PRR33: variants seen among roughly 807,000 people sequenced by gnomAD.
The protein encoded by PRR33 is proline rich 33.
PRR33 carries 1 observed loss-of-function variant against 0.5 expected under a neutral mutation model. The ratio of observed to expected loss-of-function variants is 2.18; its 90% CI spans 0.77 to 10.34. The LOEUF (loss-of-function observed/expected upper bound fraction) is 10.34, where lower values mean the gene tolerates loss of function less well. Among genes scored for constraint, PRR33 ranks in the 30% most tolerant of loss-of-function variants. The pLI is 0.13. For missense variants in PRR33, 552 were observed against 251.8 expected, an observed-to-expected ratio of 2.19 and a Z score of -8.07; for synonymous variants, 226 against 110.0, an observed-to-expected ratio of 2.06 and a Z score of -6.60.
upstream of PRR33, among the ~76,000 whole-genome samples, chr11:1,894,316 C>G (rs1028017083): frequency 6.6e-6 from 1 of 152,014 alleles, no homozygotes; most frequent in African/African-American, 2.4e-5. Flanking sequence ...TCCTTGCAGC[C>G]TCAACCTCCT....
chr11:1,889,868 AC>A, the PRR33 span: 1 of 631,282 alleles, frequency 1.6e-6, no homozygotes. Context: ...CAGGCAAGGG[AC>A]TGGCAGCCTG....
At chr11:1,893,600 G>C (rs1239457018), upstream of PRR33, among the ~76,000 whole-genome samples, 3 of 144,458 alleles carry the variant, frequency 2.1e-5, no homozygotes, top group African/African-American at 7.8e-5. Flanking sequence ...GGAGGGATGA[G>C]TGAGTGAATG....
chr11:1,901,040 G>T, the PRR33 span, among the ~76,000 whole-genome samples: 1 of 152,170 alleles, frequency 6.6e-6, no homozygotes, highest in Non-Finnish European at 1.5e-5. Context: ...GGCCAGGCAC[G>T]GTGGCTTACG....
upstream of PRR33, among the ~76,000 whole-genome samples, chr11:1,895,014 T>A (rs1372235745): frequency 1.3e-5 from 2 of 152,266 alleles, no homozygotes; most frequent in African/African-American, 4.8e-5. Flanking sequence ...GCCGTGCAGC[T>A]TTGCACGTGC....
chr11:1,905,338 G>C, the PRR33 span, among the ~76,000 whole-genome samples: 2 of 151,334 alleles, frequency 1.3e-5, no homozygotes, highest in Non-Finnish European at 2.9e-5. Context: ...TGTTGGCCAG[G>C]CTACTCTCGA....
chr11:1,890,616 C>A, exon 1 of PRR33: 1 of 689,576 alleles, frequency 1.5e-6, no homozygotes, highest in Non-Finnish European at 2.7e-6. Flanking sequence ...GGACAGTGGT[C>A]AGGCCAGCCC....
chr11:1,905,276 C>T, the PRR33 span, among the ~76,000 whole-genome samples: 4 of 149,982 alleles, frequency 2.7e-5, no homozygotes, highest in Non-Finnish European at 5.9e-5. Context: ...TACAGGCACA[C>T]GCCACCACAC....
chr11:1,912,918 C>G, the PRR33 span, among the ~76,000 whole-genome samples: 1 of 151,904 alleles, frequency 6.6e-6, no homozygotes, highest in Admixed American at 6.6e-5. Flanking sequence ...AACACAGCAG[C>G]AATATTTAAT....
the PRR33 span, among the ~76,000 whole-genome samples, chr11:1,897,616 T>A: frequency 6.6e-6 from 1 of 152,190 alleles, no homozygotes; most frequent in Non-Finnish European, 1.5e-5. This position sits in a 1 kb window ranked among gnomAD's most constrained non-coding sequence, Gnocchi z 4.0. Context: ...GTTTAAAAAT[T>A]CCCTGCCTTT....
At chr11:1,894,929 G>T (rs1418726826), upstream of PRR33, among the ~76,000 whole-genome samples, 1 of 152,148 alleles carries the variant, frequency 6.6e-6, no homozygotes, top group African/African-American at 2.4e-5. Context: ...GGTTCATCTC[G>T]CTGACTTTGG....
exon 1 of PRR33, chr11:1,889,432 G>A (rs976065284): frequency 3.0e-6 from 2 of 666,168 alleles, no homozygotes; most frequent in Admixed American, 2.2e-5. Flanking sequence ...GTGAGGGCGG[G>A]CACCTCCTGC....
chr11:1,914,582 CTGTGTG>C, the PRR33 span, among the ~76,000 whole-genome samples: 26 of 130,290 alleles, frequency 2.0e-4, no homozygotes, highest in Middle Eastern at 5.9e-3. Flanking sequence ...GGATGTTGCT[CTGTGTG>C]TGTGTGTGTG....
chr11:1,903,429 G>A, the PRR33 span, among the ~76,000 whole-genome samples: 1 of 152,068 alleles, frequency 6.6e-6, no homozygotes, highest in Non-Finnish European at 1.5e-5. Flanking sequence ...TACAGGCATG[G>A]GCCACCTTGC....
upstream of PRR33, among the ~76,000 whole-genome samples, chr11:1,894,801 A>G (rs1387720499): frequency 1.3e-5 from 2 of 152,194 alleles, no homozygotes; most frequent in African/African-American, 4.8e-5. Flanking sequence ...TCAGAAGGAC[A>G]TACATTTCCT....
the PRR33 span, among the ~76,000 whole-genome samples, chr11:1,898,486 C>T: frequency 6.6e-6 from 1 of 152,170 alleles, no homozygotes. Flanking sequence ...CCACCCACCT[C>T]GGCCTCCCAA....
At chr11:1,916,592 T>A in the PRR33 span, among the ~76,000 whole-genome samples, 3 of 152,066 alleles carry the variant, frequency 2.0e-5, no homozygotes, top group Non-Finnish European at 4.4e-5. Flanking sequence ...CACTCAGCAC[T>A]GGGGTGCAGA....
chr11:1,889,693 G>T, exon 1 of PRR33: 1 of 638,942 alleles, frequency 1.6e-6, no homozygotes, highest in South Asian at 1.8e-5. Flanking sequence ...CCAGCCATCG[G>T]GGGCTCCTCC....
the PRR33 span, among the ~76,000 whole-genome samples, chr11:1,897,954 C>T: frequency 3.9e-5 from 6 of 152,108 alleles, no homozygotes; most frequent in East Asian, 3.8e-4. The surrounding 1 kb of genome is among the most constrained non-coding windows in gnomAD (Gnocchi z 4.0). Context: ...AGCAAACCAA[C>T]GAAAATCAAA....
the PRR33 span, among the ~76,000 whole-genome samples, chr11:1,904,304 G>T: frequency 6.6e-6 from 1 of 152,144 alleles, no homozygotes; most frequent in East Asian, 1.9e-4. Context: ...CGAGGCGGGT[G>T]GATTGCCTGA....
Sources: allele counts gnomAD v4.1 joint callset (sites outside exome capture counted in the v4.1 genomes callset), GRCh38; gene constraint gnomAD v4.1.1; non-coding constraint Gnocchi (gnomAD v3.1); transcripts MANE v1.5; gene names NCBI Gene and HGNC (gene_info 2026-07-23, HGNC 2026-07-21).